Variants in ERI3 observed in about 807,000 individuals in gnomAD.
ERI3 encodes the protein ERI1 exoribonuclease 3.
ERI3 carries 18 observed loss-of-function variants against 44.4 expected under a neutral mutation model. The ratio of observed to expected loss-of-function variants is 0.41; its 90% CI spans 0.28 to 0.60. The LOEUF is 0.60. Ranked by LOEUF, ERI3 falls within the 20% of genes least tolerant of loss-of-function variation. The pLI is 0.36. For missense variants in ERI3, 294 were observed against 435.5 expected, an observed-to-expected ratio of 0.68 and a Z score of 2.89; for synonymous variants, 183 against 164.8, an observed-to-expected ratio of 1.11 and a Z score of -0.84.
intron 2 of ERI3, among the ~76,000 whole-genome samples, chr1:44,342,320 G>A (rs1557866902): frequency 6.6e-6 from 1 of 152,142 alleles, no homozygotes; most frequent in Non-Finnish European, 1.5e-5. Flanking sequence ...CTCATGAAGG[G>A]TAAAGGGCAG....
At chr1:44,328,549 T>A (rs1005405672) in intron 3 of ERI3, among the ~76,000 whole-genome samples, 11 of 152,130 alleles carry the variant, frequency 7.2e-5, no homozygotes, top group African/African-American at 1.9e-4. Flanking sequence ...AGACTTCAAA[T>A]GACCTGAGGA....
At chr1:44,268,930 G>A (rs1645039562) in intron 7 of ERI3, among the ~76,000 whole-genome samples, 1 of 152,174 alleles carries the variant, frequency 6.6e-6, no homozygotes. Flanking sequence ...TTTGGCTTCA[G>A]TCCAAGCCAG....
chr1:44,259,724 A>AC (rs1553185527), intron 7 of ERI3, among the ~76,000 whole-genome samples: 12 of 148,666 alleles, frequency 8.1e-5, no homozygotes, highest in Admixed American at 6.7e-4. Context: ...ACACACACAC[A>AC]AATTAGCCAG....
chr1:44,293,244 C>A (rs946938986), intron 6 of ERI3, among the ~76,000 whole-genome samples: 2 of 152,362 alleles, frequency 1.3e-5, no homozygotes, highest in Non-Finnish European at 2.9e-5. Context: ...TCCTCTCAAA[C>A]AGGGAGGAGA....
At chr1:44,257,229 G>A (rs780283978) in intron 7 of ERI3, among the ~76,000 whole-genome samples, 27 of 151,818 alleles carry the variant, frequency 1.8e-4, no homozygotes, top group Non-Finnish European at 3.1e-4. Flanking sequence ...TTTTTTAATC[G>A]TGCACTAATC....
At chr1:44,262,674 C>T (rs1448205165) in intron 7 of ERI3, among the ~76,000 whole-genome samples, 7 of 152,188 alleles carry the variant, frequency 4.6e-5, no homozygotes, top group African/African-American at 7.2e-5. Flanking sequence ...TCCAGCCTAG[C>T]GGGAGGAGCC....
chr1:44,282,097 T>C (rs905046495), intron 7 of ERI3, among the ~76,000 whole-genome samples: 8 of 152,010 alleles, frequency 5.3e-5, no homozygotes, highest in African/African-American at 1.9e-4. Context: ...GGGAAGTAGG[T>C]GGCAGCAGGA....
At position 44,250,364 on chromosome 1, in the gene ERI3, A is replaced by G. The variant is rs534595572; in HGVS notation, c.832-2326T>C. ...CTAAGCGGGAAGACCACTTCAGATA[A>G]CATTAGATGCTTGCCCCACCGCGTC... On this transcript the variant is annotated intron_variant, in intron 7 of 8. Coordinates refer to ENST00000372257, the MANE Select transcript of ERI3 (RefSeq NM_024066.3). 9.2e-5 allele frequency among the ~76,000 whole-genome samples: 14 copies of G among 152,298 alleles called. 1 individual carries two copies. The highest frequency in any genetic ancestry group is 7.2e-4 in the Admixed American group (11 of 15,310).
chr1:44,290,472 CTAGCGGCCCTGCAGCTCA>C (rs1222067850), intron 6 of ERI3, among the ~76,000 whole-genome samples: 1 of 152,190 alleles, frequency 6.6e-6, no homozygotes, highest in Non-Finnish European at 1.5e-5. Context: ...AATGCTGTCC[CTAGCGGCCCTGCAGCTCA>C]TAACTGCCAC....
In ERI3 at chr1:44,235,588, G is replaced by A. The variant is rs1010607300; in HGVS notation, c.931+12351C>T. Among the ~76,000 whole-genome samples the A allele has an allele frequency of 3.3e-5, 5 of 152,184 alleles. No individual in the cohort carries two copies. The East Asian group carries it at 7.7e-4, about 23-fold the overall frequency. On this transcript the variant is annotated intron_variant, in intron 8 of 8. Transcript: ENST00000372257. The surrounding 1 kb of genome is among the most constrained non-coding windows in gnomAD (Gnocchi z 4.6). Reference sequence around the variant, plus strand: ...AAAAGAAAGAGGGGCAAGATCACACGCAAACCTACTCCAGCCCTGACATTT... The same window carrying A: ...AAAAGAAAGAGGGGCAAGATCACACACAAACCTACTCCAGCCCTGACATTT...
chr1:44,335,458 A>T (rs529431950), intron 3 of ERI3, among the ~76,000 whole-genome samples: 1 of 152,144 alleles, frequency 6.6e-6, no homozygotes, highest in East Asian at 1.9e-4. Flanking sequence ...AGGCATGCAG[A>T]CCTTACTCAT....
At chr1:44,290,969 C>A (rs940731572) in intron 6 of ERI3, among the ~76,000 whole-genome samples, 7 of 152,184 alleles carry the variant, frequency 4.6e-5, no homozygotes, top group African/African-American at 1.2e-4. Context: ...TGAGAGCAGG[C>A]ACGAGGCTGG....
chr1:44,353,320 A>T (rs970960532), intron 1 of ERI3: 13 of 985,342 alleles, frequency 1.3e-5, no homozygotes, highest in Non-Finnish European at 1.6e-5. Flanking sequence ...CCACAAATCC[A>T]CAAGCCATAC....
intron 3 of ERI3, among the ~76,000 whole-genome samples, chr1:44,336,975 G>A (rs1013237114): frequency 4.6e-5 from 7 of 152,300 alleles, no homozygotes; most frequent in African/African-American, 1.7e-4. Context: ...GGTGATACAA[G>A]CTGTTTAAAT....
At chr1:44,317,157 C>CAT (rs1646106662) in intron 4 of ERI3, among the ~76,000 whole-genome samples, 1 of 152,046 alleles carries the variant, frequency 6.6e-6, no homozygotes. Flanking sequence ...CACACACACA[C>CAT]ACACACACAC....
chr1:44,281,117 T>C (rs1047719538), intron 7 of ERI3, among the ~76,000 whole-genome samples: 1 of 152,214 alleles, frequency 6.6e-6, no homozygotes, highest in Non-Finnish European at 1.5e-5. Context: ...AGCTTAGACA[T>C]CCTTCCTCAG....
chr1:44,254,236 A>G (rs1039013850), intron 7 of ERI3, among the ~76,000 whole-genome samples: 2 of 151,684 alleles, frequency 1.3e-5, no homozygotes, highest in Admixed American at 6.6e-5. Flanking sequence ...TCCTCTACCT[A>G]TTTCAGTCAT....
chr1:44,222,482 A>G (rs1020893936), intron 8 of ERI3, among the ~76,000 whole-genome samples: 22 of 152,204 alleles, frequency 1.4e-4, no homozygotes, highest in African/African-American at 5.1e-4. Context: ...TCTATCACAA[A>G]CAGTTTCTCC....
intron 3 of ERI3, among the ~76,000 whole-genome samples, chr1:44,334,364 AG>A (rs938711004): frequency 6.6e-5 from 10 of 152,358 alleles, no homozygotes; most frequent in African/African-American, 1.9e-4. Context: ...TCTGGGCCTC[AG>A]GGTCACAACA....
Sources: allele counts gnomAD v4.1 joint callset (sites outside exome capture counted in the v4.1 genomes callset), GRCh38; gene constraint gnomAD v4.1.1; non-coding constraint Gnocchi (gnomAD v3.1); transcripts MANE v1.5; gene names NCBI Gene and HGNC (gene_info 2026-07-23, HGNC 2026-07-21).